The following PSMD11 variants were observed in gnomAD, a reference collection of about 807,000 sequenced individuals.
PSMD11 encodes the protein proteasome 26S subunit, non-ATPase 11.
PSMD11 carries 5 observed loss-of-function variants against 62.3 expected under a neutral mutation model. The observed-to-expected ratio is 0.08, with a 90% CI of 0.04 to 0.17. The LOEUF (loss-of-function observed/expected upper bound fraction) is 0.17. Ranked by LOEUF, PSMD11 falls within the 10% of genes least tolerant of loss-of-function variation. PSMD11 has a pLI of 1.00. For synonymous variants in PSMD11, 191 were observed against 191.8 expected (o/e 1.00, Z 0.03); for missense variants, 310 against 512.9 (o/e 0.60, Z 3.82).
chr17:32,466,126 G>A (rs1308557012), intron 5 of PSMD11, among the ~76,000 whole-genome samples: 4 of 152,144 alleles, frequency 2.6e-5, no homozygotes, highest in African/African-American at 7.2e-5. Flanking sequence ...CTCCCGAATA[G>A]CAGAGATTAC....
At position 32,464,511 on chromosome 17, in the gene PSMD11, T is replaced by A. The variant is rs1346587934; in HGVS notation, c.391-10T>A. On this transcript the variant is annotated splice_polypyrimidine_tract_variant and intron_variant, in intron 4 of 13. Coordinates refer to ENST00000261712, the MANE Select transcript of PSMD11 (RefSeq NM_002815.4). ...CCCCCCCTTCAATCAATGCCTTTTC[T>A]CTTTCCTAGGCAAGACTGGTGTCTT... 2 of 1,591,046 alleles carry A rather than the reference T, an allele frequency of 1.3e-6. No individual in the cohort carries two copies. Among genetic ancestry groups the A allele is most frequent in the African/African-American group, 2.7e-5 (2 of 74,168 alleles).
chr17:32,467,092 G>A (rs1216568590), intron 5 of PSMD11, among the ~76,000 whole-genome samples: 4 of 151,342 alleles, frequency 2.6e-5, no homozygotes, highest in Non-Finnish European at 4.4e-5. Flanking sequence ...TTATGGGCAC[G>A]CACCACCATG....
In PSMD11 at chr17:32,483,087, GC is replaced by G. The variant is rs1597847368; in HGVS notation, c.*2338del. The stretch of plus-strand genomic sequence containing the variant: ...CCTTTGCGGGTCTTGGTCAGATGAT[GC>G]CCTCTAGACCCGTGCTGTCCAATAT... On this transcript the variant is annotated 3_prime_UTR_variant, in exon 14 of 14. Transcript: ENST00000261712. 1 of 152,310 alleles carries G rather than the reference GC, an allele frequency of 6.6e-6. No individual in the cohort carries two copies. Among genetic ancestry groups the G allele is most frequent in the East Asian group, 1.9e-4 (1 of 5,176 alleles). The allele number at this position is 152,310 out of a possible 1,614,324, so 9.4% of individuals were successfully genotyped here.
Position 32,482,479 on chromosome 17 carries a change from C to T in PSMD11, c.*1727C>T, listed in dbSNP as rs1908527527. On this transcript the variant is annotated 3_prime_UTR_variant, in exon 14 of 14. Coordinates refer to ENST00000261712, the MANE Select transcript of PSMD11 (RefSeq NM_002815.4). ...GCTCTCATCTGGCCAAAGCTGTTAT[C>T]TCATTTGTGTAATGGGAGTCCTTAA... 6.6e-6 allele frequency: 1 copy of T among 152,104 alleles called. No homozygotes were observed. The highest frequency in any genetic ancestry group is 2.4e-5 in the African/African-American group (1 of 41,388). 9.4% of individuals were successfully genotyped at this position (152,104 alleles called of 1,614,324 possible).
chr17:32,451,613 C>T (rs930484483), intron 2 of PSMD11, among the ~76,000 whole-genome samples: 11 of 152,104 alleles, frequency 7.2e-5, no homozygotes, highest in Admixed American at 1.3e-4. Flanking sequence ...AGAGTAGACA[C>T]TATACATGGT....
At position 32,475,075 on chromosome 17, in the gene PSMD11, T is replaced by C. The variant is rs184743747; in HGVS notation, c.849+251T>C. 2.0e-5 allele frequency among the ~76,000 whole-genome samples: 3 copies of C among 152,314 alleles called. No homozygotes were observed. The East Asian group carries it at 5.8e-4, about 29-fold the overall frequency. On this transcript the variant is annotated intron_variant, in intron 8 of 13. Transcript: ENST00000261712. ...ACTTAGGGAACTGAACTGTAGCATT[T>C]GCAGTGAGTTAGTTTGCATTTGGCT...
chr17:32,444,555 G>A lies in PSMD11; in HGVS notation c.32G>A (p.Arg11Lys). 1 of 1,611,038 alleles carries A rather than the reference G, an allele frequency of 6.2e-7. No homozygotes were observed. ...GCGGCGGCGGTGGTGGAGTTCCAGAGAGCCCAGTCTCTACTCAGCACCGAC... is the reference window on the plus strand; with the variant it reads ...GCGGCGGCGGTGGTGGAGTTCCAGAAAGCCCAGTCTCTACTCAGCACCGAC... MAAAAVVEFQ[R>K]AQSLLSTDRE... The change falls in exon 1 of 14, where the codon AGA (arginine) becomes AAA (lysine). Residue 11 changes from arginine to lysine, a missense_variant. By Grantham distance (26) the Arg-to-Lys change is conservative. Transcript: ENST00000261712.
intron 9 of PSMD11, 46 bp downstream of exon 9, chr17:32,477,629 G>A (rs781591399): frequency 6.7e-7 from 1 of 1,492,716 alleles, no homozygotes. Flanking sequence ...GGAAGAGAGG[G>A]ACGTTTAAGT....
chr17:32,460,250 A>G (rs1264631974), intron 3 of PSMD11, among the ~76,000 whole-genome samples: 1 of 151,284 alleles, frequency 6.6e-6, no homozygotes, highest in Non-Finnish European at 1.5e-5. Context: ...TTGTAGAGAT[A>G]GGGTCTTGCT....
At chr17:32,471,059 T>C (rs1908149629) in intron 6 of PSMD11, among the ~76,000 whole-genome samples, 1 of 152,204 alleles carries the variant, frequency 6.6e-6, no homozygotes, top group Admixed American at 6.5e-5. Context: ...TGCTAAATAC[T>C]TTCTACATGT....
chr17:32,445,396 T>C, intron 1 of PSMD11: 1 of 152,204 alleles, frequency 6.6e-6, no homozygotes, highest in East Asian at 1.9e-4. Context: ...AGGGAATTCT[T>C]TGGAACGGGT....
At chr17:32,454,920 G>A (rs991578697) in intron 3 of PSMD11, 2 of 249,020 alleles carry the variant, frequency 8.0e-6, no homozygotes, top group Middle Eastern at 1.5e-3. Context: ...TGTGTCTGTG[G>A]TACCTTTCAT....
At chr17:32,448,763 A>G (rs558796810) in intron 2 of PSMD11, among the ~76,000 whole-genome samples, 1 of 152,328 alleles carries the variant, frequency 6.6e-6, no homozygotes, top group Admixed American at 6.5e-5. Flanking sequence ...TTTACACATG[A>G]GGATACTGAG....
In PSMD11 at chr17:32,461,121, G is replaced by A. The variant is rs9912044; in HGVS notation, c.319-2928G>A. ...GAGACGGAGTCTCGCACCGTCGCCCGGGCTGGAGTGCAATGGCATGATCTC... is the reference window on the plus strand; with the variant it reads ...GAGACGGAGTCTCGCACCGTCGCCCAGGCTGGAGTGCAATGGCATGATCTC... On this transcript the variant is annotated intron_variant, in intron 3 of 13. Transcript: ENST00000261712. Among the ~76,000 whole-genome samples, 255 of 151,894 alleles carry A rather than the reference G, an allele frequency of 1.7e-3. 1 individual carries two copies. Among genetic ancestry groups the A allele is most frequent in the African/African-American group, 5.3e-3 (221 of 41,480 alleles).
At chr17:32,446,178 C>G (rs534644336) in intron 1 of PSMD11, 99 of 152,224 alleles carry the variant, frequency 6.5e-4, no homozygotes, top group African/African-American at 2.2e-3. Flanking sequence ...TTTTTCTGGA[C>G]TCCATCATGG....
chr17:32,455,827 CT>C (rs1190667516), intron 3 of PSMD11, among the ~76,000 whole-genome samples: 1 of 152,114 alleles, frequency 6.6e-6, no homozygotes, highest in Non-Finnish European at 1.5e-5. Flanking sequence ...TCTTATCTAA[CT>C]TTTTTTAAAA....
intron 2 of PSMD11, among the ~76,000 whole-genome samples, chr17:32,449,945 A>G (rs1021522338): frequency 1.3e-5 from 2 of 152,352 alleles, no homozygotes; most frequent in African/African-American, 4.8e-5. Flanking sequence ...AAATAAAACA[A>G]TGTCTGATGT....
chr17:32,461,476 CAGG>C (rs1378989615), intron 3 of PSMD11, among the ~76,000 whole-genome samples: 1 of 151,116 alleles, frequency 6.6e-6, no homozygotes, highest in Non-Finnish European at 1.5e-5. Flanking sequence ...GAGGCTGAGG[CAGG>C]AGAAGTGCTT....
At chr17:32,459,815 T>G (rs577259103) in intron 3 of PSMD11, among the ~76,000 whole-genome samples, 1 of 152,030 alleles carries the variant, frequency 6.6e-6, no homozygotes, top group East Asian at 1.9e-4. Flanking sequence ...ATAGTAGAGA[T>G]GGGCTTTTGC....
Sources: gnomAD v4.1 joint callset for allele counts (sites outside exome capture counted in the v4.1 genomes callset) on GRCh38, gnomAD v4.1.1 for gene constraint, MANE v1.5 for transcripts, NCBI Gene and HGNC (gene_info 2026-07-23, HGNC 2026-07-21) for gene names.